The following DMXL2 variants were observed in gnomAD, a reference collection of about 807,000 sequenced individuals.
DMXL2 encodes the protein Dmx like 2.
A neutral mutation model predicts 331.1 loss-of-function variants in DMXL2; 103 were observed. The observed-to-expected ratio is 0.31, with a 90% CI of 0.27 to 0.37. The LOEUF is 0.37. Among genes scored for constraint, DMXL2 ranks in the 10% least tolerant of loss-of-function variants. The pLI, the probability that DMXL2 is intolerant of heterozygous loss-of-function variation, is 1.00. For missense variants in DMXL2, 3,171 were observed against 3,642.9 expected, an observed-to-expected ratio of 0.87 and a Z score of 3.33; for synonymous variants, 1,281 against 1,252.1, an observed-to-expected ratio of 1.02 and a Z score of -0.49.
chr15:51,508,984 C>A (rs1460896966), intron 15 of DMXL2, among the ~76,000 whole-genome samples: 2 of 152,226 alleles, frequency 1.3e-5, no homozygotes, highest in South Asian at 2.1e-4. Context: ...GACACCACCA[C>A]CAACTGAATC....
chr15:51,474,655 C>G (rs768317559), intron 27 of DMXL2, 63 bp from the exon 28 acceptor site: 1 of 1,491,060 alleles, frequency 6.7e-7, no homozygotes, highest in Non-Finnish European at 9.0e-7. Context: ...GAAAAAACAT[C>G]CAAATTTGCA....
intron 13 of DMXL2, among the ~76,000 whole-genome samples, chr15:51,527,649 GAGGCAGAGGTT>G (rs2047754645): frequency 6.6e-6 from 1 of 151,472 alleles, no homozygotes; most frequent in Non-Finnish European, 1.5e-5. Context: ...TTGCACCCAG[GAGGCAGAGGTT>G]GCAGTGAGCC....
chr15:51,548,789 T>C (rs902692449), intron 6 of DMXL2, among the ~76,000 whole-genome samples: 1 of 152,032 alleles, frequency 6.6e-6, no homozygotes, highest in Non-Finnish European at 1.5e-5. Flanking sequence ...TCCCAAATAT[T>C]TGAAAACTAA....
In DMXL2 at chr15:51,593,087, G is replaced by A. The variant is rs1299027029; in HGVS notation, c.88-16906C>T. Among the ~76,000 whole-genome samples, 3 of 152,140 alleles carry A rather than the reference G, an allele frequency of 2.0e-5. No homozygotes were observed. The East Asian group carries it at 5.8e-4, about 29-fold the overall frequency. Reference sequence around the variant, plus strand: ...CAATATTAACCTTAAATGTAAATGGGCTAAATGCTCCAATTAAAAGACACA... The same window carrying A: ...CAATATTAACCTTAAATGTAAATGGACTAAATGCTCCAATTAAAAGACACA... On this transcript the variant is annotated intron_variant, in intron 1 of 43. Transcript: ENST00000560891.
At chr15:51,581,558 A>G (rs1381653620) in intron 1 of DMXL2, among the ~76,000 whole-genome samples, 1 of 152,138 alleles carries the variant, frequency 6.6e-6, no homozygotes, top group African/African-American at 2.4e-5. Flanking sequence ...ACACTCATTC[A>G]GTCTTCTCTA....
chr15:51,456,270 A>G, intron 38 of DMXL2, 39 bp downstream of exon 38: 4 of 1,595,442 alleles, frequency 2.5e-6, no homozygotes, highest in Non-Finnish European at 3.4e-6. Context: ...TCAACCTCCA[A>G]ATGAGGACAC....
chr15:51,462,929 GTAGTT>G (rs1373421861), intron 33 of DMXL2: 1 of 153,412 alleles, frequency 6.5e-6, no homozygotes, highest in Non-Finnish European at 1.4e-5. Flanking sequence ...TGCTATTTCT[GTAGTT>G]TATTCTCTCA....
At chr15:51,558,646 C>T (rs2049755654) in intron 6 of DMXL2, among the ~76,000 whole-genome samples, 1 of 152,172 alleles carries the variant, frequency 6.6e-6, no homozygotes, top group South Asian at 2.1e-4. Context: ...TAAGCAACTA[C>T]CTCTGTGCCA....
intron 33 of DMXL2, among the ~76,000 whole-genome samples, chr15:51,461,328 A>G (rs549061982): frequency 6.6e-6 from 1 of 152,192 alleles, no homozygotes; most frequent in Non-Finnish European, 1.5e-5. Flanking sequence ...CTCGTGGGGA[A>G]GGGCAAGACG....
At chr15:51,568,405 C>G in intron 3 of DMXL2, 82 bp downstream of exon 3, 1 of 911,626 alleles carries the variant, frequency 1.1e-6, no homozygotes, top group South Asian at 1.8e-5. Flanking sequence ...AGCACTAGCT[C>G]CTAAGGAGCT....
At chr15:51,520,781 T>A (rs1395841382) in intron 13 of DMXL2, among the ~76,000 whole-genome samples, 4 of 152,086 alleles carry the variant, frequency 2.6e-5, no homozygotes. Flanking sequence ...CGTTTGAACC[T>A]GGGAGGCAGA....
At chr15:51,494,399 T>C (rs1243684705) in intron 19 of DMXL2, among the ~76,000 whole-genome samples, 1 of 152,192 alleles carries the variant, frequency 6.6e-6, no homozygotes, top group Non-Finnish European at 1.5e-5. Flanking sequence ...TATAGTCCAC[T>C]GAAATAAGCT....
At chr15:51,597,984 T>C (rs912603896) in intron 1 of DMXL2, among the ~76,000 whole-genome samples, 3 of 152,206 alleles carry the variant, frequency 2.0e-5, no homozygotes, top group Admixed American at 6.5e-5. Context: ...GTTATCATTT[T>C]CTTATTTGTA....
chr15:51,528,112 A>T (rs191227713), intron 13 of DMXL2, among the ~76,000 whole-genome samples: 1 of 151,778 alleles, frequency 6.6e-6, no homozygotes, highest in East Asian at 1.9e-4. Flanking sequence ...AAAGCAAAAA[A>T]CTAAATCACA....
intron 23 of DMXL2, among the ~76,000 whole-genome samples, chr15:51,485,051 A>G (rs1595970227): frequency 6.7e-6 from 1 of 149,800 alleles, no homozygotes; most frequent in African/African-American, 2.4e-5. Context: ...AAAAAAAAAA[A>G]GGAAGAAGGA....
intron 40 of DMXL2, chr15:51,454,034 A>G (rs1375836968): frequency 1.1e-5 from 2 of 174,834 alleles, no homozygotes; most frequent in African/African-American, 2.4e-5. Flanking sequence ...ATGTCAAGGT[A>G]TTTTAAAATA....
rs563651555 is a variant in DMXL2, at chr15:51,564,440, G to A, written c.365-180C>T. 2.0e-5 allele frequency among the ~76,000 whole-genome samples: 3 copies of A among 151,810 alleles called. No homozygotes were observed. The South Asian group carries it at 6.3e-4, about 32-fold the overall frequency. On this transcript the variant is annotated intron_variant, in intron 4 of 43. Coordinates refer to ENST00000560891, the MANE Select transcript of DMXL2 (RefSeq NM_001378457.1). ...CCTTATAAGAAAAAAGAATCTTCTG[G>A]ACAACAAAGATTCTTAAGGAAGATT...
chr15:51,488,525 CGTTAAG>C lies in DMXL2; in HGVS notation c.5051+17_5051+22del, dbSNP rs1567018638. On this transcript the variant is annotated intron_variant, in intron 21 of 43. Transcript: ENST00000560891. ...GCACAATCTTCATTCTGTTGAATCA[CGTTAAG>C]TGTCAAGGCAACTTACCTAAACAGA... is the stretch of plus-strand genomic sequence containing the variant. The C allele has an allele frequency of 6.3e-7, 1 of 1,575,310 alleles. No individual in the cohort carries two copies. The highest frequency in any genetic ancestry group is 2.2e-5 in the East Asian group (1 of 44,632).
At position 51,622,563 on chromosome 15, in the gene DMXL2, G is replaced by A. The variant is rs758172217; in HGVS notation, c.-18C>T. The A allele has an allele frequency of 6.5e-7, 1 of 1,544,860 alleles. No homozygotes were observed. Among genetic ancestry groups the A allele is most frequent in the East Asian group, 2.5e-5 (1 of 40,128 alleles). On this transcript the variant is annotated 5_prime_UTR_variant, in exon 1 of 44. Transcript: ENST00000560891. ...AGATGCATCTCCGGAGCCCGGGCTG[G>A]ACAGAATGCGCGGGAGGTGCGACAA...
Sources: gnomAD v4.1 joint callset for allele counts (sites outside exome capture counted in the v4.1 genomes callset) on GRCh38, gnomAD v4.1.1 for gene constraint, MANE v1.5 for transcripts, NCBI Gene and HGNC (gene_info 2026-07-23, HGNC 2026-07-21) for gene names.